The following EYS variants were observed in gnomAD, a reference collection of about 807,000 sequenced individuals.
EYS encodes protein eyes shut homolog.
EYS carries 250 observed loss-of-function variants against 282.1 expected under a neutral mutation model. The observed-to-expected ratio is 0.89, with a 90% CI of 0.80 to 0.98. The LOEUF (loss-of-function observed/expected upper bound fraction) is 0.98, where lower values mean the gene tolerates loss of function less well. EYS is among the 50% of genes least tolerant of loss of function. The probability of loss-of-function intolerance (pLI) is 0.00; values close to 1 mark genes in which losing one functional copy is unlikely to be tolerated. For missense variants in EYS, 4,016 were observed against 3,709.0 expected, an observed-to-expected ratio of 1.08 and a Z score of -2.15; for synonymous variants, 1,355 against 1,282.9, an observed-to-expected ratio of 1.06 and a Z score of -1.20.
intron 31 of EYS, among the ~76,000 whole-genome samples, chr6:64,199,073 G>A (rs556689445): frequency 1.3e-5 from 2 of 152,144 alleles, no homozygotes; most frequent in East Asian, 3.9e-4. Flanking sequence ...TTTCTCTAAT[G>A]AGCAGTGACT....
chr6:63,832,500 C>T (rs1200851003), intron 36 of EYS, among the ~76,000 whole-genome samples: 2 of 152,110 alleles, frequency 1.3e-5, no homozygotes, highest in Non-Finnish European at 2.9e-5. Context: ...CATATACCCT[C>T]CCAACACTAA....
chr6:65,654,304 G>A (rs1007570036), intron 1 of EYS, among the ~76,000 whole-genome samples: 2 of 151,790 alleles, frequency 1.3e-5, no homozygotes, highest in Non-Finnish European at 2.9e-5. Context: ...TCACAGACCT[G>A]AGCTTCTGTA....
At chr6:63,749,193 C>T (rs1217516235) in intron 41 of EYS, among the ~76,000 whole-genome samples, 1 of 152,148 alleles carries the variant, frequency 6.6e-6, no homozygotes, top group African/African-American at 2.4e-5. Flanking sequence ...TCTTTGTTCT[C>T]ATTAGTTTCA....
intron 22 of EYS, among the ~76,000 whole-genome samples, chr6:64,721,476 C>G (rs1771578853): frequency 6.6e-6 from 1 of 152,088 alleles, no homozygotes; most frequent in African/African-American, 2.4e-5. Flanking sequence ...GAGATTTATT[C>G]TTTGAGAACA....
At chr6:64,392,622 A>T (rs944494647) in intron 28 of EYS, among the ~76,000 whole-genome samples, 2 of 151,418 alleles carry the variant, frequency 1.3e-5, no homozygotes, top group African/African-American at 4.9e-5. Flanking sequence ...GGACGCATTC[A>T]AAGCAGTGTG....
chr6:63,902,580 A>T (rs1773682810), intron 35 of EYS, among the ~76,000 whole-genome samples: 1 of 152,168 alleles, frequency 6.6e-6, no homozygotes, highest in African/African-American at 2.4e-5. Context: ...ATGTATGATA[A>T]TAATAATGAA....
At chr6:64,235,851 A>G (rs1390517643) in intron 30 of EYS, among the ~76,000 whole-genome samples, 3 of 152,186 alleles carry the variant, frequency 2.0e-5, no homozygotes, top group Admixed American at 2.0e-4. Context: ...AACCAAAAAG[A>G]GTCCAGGACC....
At chr6:64,205,242 C>T (rs940781059) in intron 31 of EYS, among the ~76,000 whole-genome samples, 1 of 152,080 alleles carries the variant, frequency 6.6e-6, no homozygotes, top group African/African-American at 2.4e-5. Flanking sequence ...AACTTTTATT[C>T]AATTTAGTTT....
intron 35 of EYS, among the ~76,000 whole-genome samples, chr6:63,962,922 T>A (rs11967246): frequency 0.015 from 2,273 of 152,260 alleles, 56 homozygotes; most frequent in African/African-American, 0.051. Context: ...TGGAATACTT[T>A]GCAGCCATAA....
At chr6:65,396,900 C>G (rs1472606122) in intron 7 of EYS, among the ~76,000 whole-genome samples, 7 of 151,768 alleles carry the variant, frequency 4.6e-5, no homozygotes, top group Non-Finnish European at 8.8e-5. Context: ...TCTAAGCTAA[C>G]TCTTCTGCTT....
At chr6:65,144,881 C>T (rs1232145401) in intron 12 of EYS, among the ~76,000 whole-genome samples, 2 of 151,868 alleles carry the variant, frequency 1.3e-5, no homozygotes, top group African/African-American at 4.8e-5. Flanking sequence ...TCTCCTGCCT[C>T]AGCCTCCCAA....
intron 2 of EYS, among the ~76,000 whole-genome samples, chr6:65,630,993 T>C (rs1401159232): frequency 6.6e-6 from 1 of 152,188 alleles, no homozygotes; most frequent in Non-Finnish European, 1.5e-5. Context: ...AAGTAATATA[T>C]TGGTTGTAAA....
At chr6:65,581,670 T>G (rs1764877399) in intron 2 of EYS, among the ~76,000 whole-genome samples, 1 of 152,126 alleles carries the variant, frequency 6.6e-6, no homozygotes, top group Non-Finnish European at 1.5e-5. Context: ...CTTGTAATAC[T>G]TAAATAAGTA....
At position 64,979,928 on chromosome 6, in the gene EYS, T is replaced by A. The variant is rs114248472; in HGVS notation, c.2259+17654A>T. Among the ~76,000 whole-genome samples, 782 of 151,656 alleles carry A rather than the reference T, an allele frequency of 5.2e-3. 7 individuals are homozygous for A. The highest frequency in any genetic ancestry group is 0.018 in the African/African-American group (727 of 41,472). On this transcript the variant is annotated intron_variant, in intron 14 of 42. Coordinates refer to ENST00000503581, the MANE Select transcript of EYS (RefSeq NM_001142800.2). ...TAGTAGATGATAAAGTAAATAATAT[T>A]TTCAACATTATTCTGGGATGTCACC...
chr6:65,189,034 A>C (rs1038408223), intron 12 of EYS, among the ~76,000 whole-genome samples: 2 of 151,612 alleles, frequency 1.3e-5, no homozygotes, highest in South Asian at 2.1e-4. Flanking sequence ...TTCTATGAAT[A>C]CCTCTATCTT....
At chr6:65,580,422 G>A (rs1562270075) in intron 2 of EYS, among the ~76,000 whole-genome samples, 2 of 152,042 alleles carry the variant, frequency 1.3e-5, no homozygotes, top group East Asian at 1.9e-4. Flanking sequence ...CCTGAAATTA[G>A]GAAGATTTGT....
chr6:65,344,115 T>G lies in EYS; in HGVS notation c.1522A>C (p.Thr508Pro). The G allele has an allele frequency of 6.2e-7, 1 of 1,610,450 alleles. No homozygotes were observed. The highest frequency in any genetic ancestry group is 8.5e-7 in the Non-Finnish European group (1 of 1,177,542). The change falls in exon 10 of 43, where the codon ACT becomes CCT. Residue 508 changes from threonine (T) to proline (P), a missense_variant. By Grantham distance (38) the Thr-to-Pro change is conservative. Transcript: ENST00000503581. The part of the protein sequence containing the change: ...DAYFFLAANC[T>P]EDATYVNDPE... ...TCGTTCACATAGGTTGCATCTTCAG[T>G]GCAGTTTGCAGCCAGAAAGAAATAG...
intron 12 of EYS, among the ~76,000 whole-genome samples, chr6:65,087,272 A>G (rs148393498): frequency 9.2e-5 from 14 of 151,984 alleles, no homozygotes; most frequent in African/African-American, 3.1e-4. Context: ...ATTGCAGATC[A>G]TCCTGAAAGC....
At chr6:64,108,507 CT>C (rs530004392) in intron 31 of EYS, among the ~76,000 whole-genome samples, 33,298 of 116,648 alleles carry the variant, frequency 0.29, 3,513 homozygotes, top group East Asian at 0.45. Flanking sequence ...TCCACTACTG[CT>C]TTTTTTTTTT....
Sources: gnomAD v4.1 joint callset for allele counts (sites outside exome capture counted in the v4.1 genomes callset) on GRCh38, gnomAD v4.1.1 for gene constraint, MANE v1.5 for transcripts, NCBI Gene and HGNC (gene_info 2026-07-23, HGNC 2026-07-21) for gene names.